PTPRD: variants seen among roughly 807,000 people sequenced by gnomAD.
PTPRD encodes the protein receptor-type tyrosine-protein phosphatase delta.
Under a neutral mutation model 214.5 loss-of-function variants are expected in PTPRD, and 34 were observed. That is an observed-to-expected ratio of 0.16 (90% CI 0.12 to 0.21). PTPRD has a LOEUF of 0.21. Ranked by LOEUF, PTPRD falls within the 10% of genes least tolerant of loss-of-function variation. The probability of loss-of-function intolerance (pLI) is 1.00; values close to 1 mark genes in which losing one functional copy is unlikely to be tolerated. For missense variants in PTPRD, 2,545 were observed against 2,398.7 expected (o/e 1.06, Z -1.27); for synonymous variants, 1,128 against 845.7 (o/e 1.33, Z -5.79).
intron 43 of PTPRD, among the ~76,000 whole-genome samples, chr9:8,332,056 TG>T (rs1200641727): frequency 6.6e-6 from 1 of 152,132 alleles, no homozygotes; most frequent in Non-Finnish European, 1.5e-5. Flanking sequence ...AGACCCAAAG[TG>T]GGGGTTCGTA....
At chr9:10,403,513 A>G (rs2098310339) in intron 2 of PTPRD, among the ~76,000 whole-genome samples, 1 of 151,276 alleles carries the variant, frequency 6.6e-6, no homozygotes, top group Non-Finnish European at 1.5e-5. Context: ...ATTAACATGA[A>G]CTCTCATTCA....
chr9:10,498,046 G>A (rs559254525), intron 2 of PTPRD, among the ~76,000 whole-genome samples: 1 of 151,894 alleles, frequency 6.6e-6, no homozygotes, highest in Admixed American at 6.6e-5. Context: ...TGTTTTGCTT[G>A]CTTCATGCAT....
chr9:9,952,612 C>T (rs2093557660), intron 4 of PTPRD, among the ~76,000 whole-genome samples: 1 of 152,080 alleles, frequency 6.6e-6, no homozygotes, highest in East Asian at 1.9e-4. Flanking sequence ...TGAGGAAGAC[C>T]AGCGCTATTA....
intron 2 of PTPRD, among the ~76,000 whole-genome samples, chr9:10,574,266 A>G (rs1351479214): frequency 1.3e-5 from 2 of 151,838 alleles, no homozygotes; most frequent in African/African-American, 2.4e-5. Context: ...CTGCCCTCCA[A>G]TCTTATTTTT....
rs186452509 is a variant in PTPRD, at chr9:9,110,378, G to A, written c.-143+72926C>T. 9.2e-5 allele frequency among the ~76,000 whole-genome samples: 14 copies of A among 152,162 alleles called. No individual in the cohort carries two copies. In the East Asian group the frequency reaches 1.9e-3, roughly 21 times the overall value. ...CCCACCTCAGAATCAGAAACTTTGG[G>A]TGTGAGGCCCAGGAATCTGTGTTTT... is the stretch of plus-strand genomic sequence containing the variant. On this transcript the variant is annotated intron_variant, in intron 10 of 45. Transcript: ENST00000381196.
At chr9:9,175,788 C>T (rs1229874937) in intron 10 of PTPRD, among the ~76,000 whole-genome samples, 1 of 152,036 alleles carries the variant, frequency 6.6e-6, no homozygotes, top group East Asian at 1.9e-4. Context: ...CAGCACAGCT[C>T]ATGCTAGGTA....
intron 3 of PTPRD, among the ~76,000 whole-genome samples, chr9:10,304,347 C>A (rs1349544408): frequency 6.6e-6 from 1 of 152,018 alleles, no homozygotes; most frequent in Non-Finnish European, 1.5e-5. Context: ...CTTTGAAAAC[C>A]GGCACAAGAC....
intron 11 of PTPRD, among the ~76,000 whole-genome samples, chr9:8,869,134 G>C (rs1442428198): frequency 6.6e-6 from 1 of 152,146 alleles, no homozygotes; most frequent in Non-Finnish European, 1.5e-5. Context: ...ATTGAAACTA[G>C]TCTTGATTCT....
chr9:9,530,690 A>T (rs2075273008), intron 8 of PTPRD, among the ~76,000 whole-genome samples: 1 of 152,318 alleles, frequency 6.6e-6, no homozygotes, highest in East Asian at 1.9e-4. Flanking sequence ...ACACAATGAA[A>T]TACTATTATG....
At chr9:9,067,472 G>A (rs935392993) in intron 10 of PTPRD, among the ~76,000 whole-genome samples, 2 of 152,102 alleles carry the variant, frequency 1.3e-5, no homozygotes, top group Admixed American at 6.6e-5. Flanking sequence ...TAAGGTATGA[G>A]TATATTGTGA....
At chr9:8,769,572 A>T (rs1427322625) in intron 11 of PTPRD, among the ~76,000 whole-genome samples, 1 of 152,152 alleles carries the variant, frequency 6.6e-6, no homozygotes, top group Non-Finnish European at 1.5e-5. Context: ...ATAAATGAAA[A>T]AATGTGTCCC....
chr9:10,364,640 C>A (rs1325096836), intron 2 of PTPRD, among the ~76,000 whole-genome samples: 1 of 152,140 alleles, frequency 6.6e-6, no homozygotes, highest in Admixed American at 6.5e-5. Context: ...CCTCCAGCAA[C>A]TTACATGTCA....
chr9:9,195,750 T>C (rs981144661), intron 9 of PTPRD, among the ~76,000 whole-genome samples: 6 of 151,698 alleles, frequency 4.0e-5, no homozygotes, highest in African/African-American at 9.7e-5. Context: ...AAGACAATTT[T>C]AGGAAGTATA....
intron 11 of PTPRD, among the ~76,000 whole-genome samples, chr9:8,883,873 T>C (rs2098465894): frequency 6.6e-6 from 1 of 152,138 alleles, no homozygotes; most frequent in South Asian, 2.1e-4. Flanking sequence ...CAGAGCAAAA[T>C]ATCTGGGGAT....
chr9:8,997,555 C>T (rs568417112), intron 11 of PTPRD, among the ~76,000 whole-genome samples: 1 of 152,158 alleles, frequency 6.6e-6, no homozygotes, highest in African/African-American at 2.4e-5. Context: ...ACCAACCGGC[C>T]ATTCTCCCAT....
intron 2 of PTPRD, among the ~76,000 whole-genome samples, chr9:10,359,742 T>G (rs1309809602): frequency 1.3e-5 from 2 of 152,164 alleles, no homozygotes; most frequent in African/African-American, 4.8e-5. Context: ...TATAAGTAAT[T>G]TGCATAAATT....
At chr9:9,063,257 G>T (rs1410576058) in intron 10 of PTPRD, among the ~76,000 whole-genome samples, 1 of 152,080 alleles carries the variant, frequency 6.6e-6, no homozygotes, top group African/African-American at 2.4e-5. Context: ...CTTGAAGATG[G>T]CTTCCAGTAC....
At position 9,765,786 on chromosome 9, in the gene PTPRD, G is replaced by C. The variant is rs2821511; in HGVS notation, c.-326+1024C>G. Among the ~76,000 whole-genome samples the C allele has an allele frequency of 3.5e-3, 526 of 152,106 alleles. 1 individual carries two copies. Among genetic ancestry groups the C allele is most frequent in the African/African-American group, 0.012 (495 of 41,490 alleles). On this transcript the variant is annotated intron_variant, in intron 6 of 45. Coordinates refer to ENST00000381196, the MANE Select transcript of PTPRD (RefSeq NM_002839.4). ...CGCCATTCTCCTGCCACTGCCTCCTGAGTAGCTGGGACTACAGGCACCCAC... is the reference window on the plus strand; with the variant it reads ...CGCCATTCTCCTGCCACTGCCTCCTCAGTAGCTGGGACTACAGGCACCCAC...
At chr9:9,530,534 T>A (rs1289730131) in intron 8 of PTPRD, among the ~76,000 whole-genome samples, 1 of 152,114 alleles carries the variant, frequency 6.6e-6, no homozygotes, top group African/African-American at 2.4e-5. Context: ...ACCACATTGC[T>A]TCACTGCTGA....
Sources: gnomAD v4.1 joint callset for allele counts (sites outside exome capture counted in the v4.1 genomes callset) on GRCh38, gnomAD v4.1.1 for gene constraint, MANE v1.5 for transcripts, NCBI Gene and HGNC (gene_info 2026-07-23, HGNC 2026-07-21) for gene names.